Variants in FNBP1L observed in about 807,000 individuals in gnomAD.
FNBP1L encodes the protein formin binding protein 1 like, also known as formin-binding protein 1-like.
Under a neutral mutation model 91.2 loss-of-function variants are expected in FNBP1L, and 36 were observed. The ratio of observed to expected loss-of-function variants is 0.39; its 90% CI spans 0.30 to 0.52. The LOEUF (loss-of-function observed/expected upper bound fraction) is 0.52, where lower values mean the gene tolerates loss of function less well. FNBP1L is among the 20% of genes least tolerant of loss of function. FNBP1L has a pLI of 0.66. For synonymous variants in FNBP1L, 242 were observed against 237.0 expected (o/e 1.02, Z -0.19); for missense variants, 571 against 732.1 (o/e 0.78, Z 2.54).
At chr1:93,514,973 G>T (rs568546538) in intron 2 of FNBP1L, among the ~76,000 whole-genome samples, 74 of 152,296 alleles carry the variant, frequency 4.9e-4, no homozygotes, top group African/African-American at 1.7e-3. Context: ...CCATCAGAGT[G>T]AACAGGCAAC....
chr1:93,531,738 A>G (rs781362434), intron 7 of FNBP1L, among the ~76,000 whole-genome samples: 3 of 152,144 alleles, frequency 2.0e-5, no homozygotes, highest in Non-Finnish European at 4.4e-5. Flanking sequence ...TGGGGAAACT[A>G]TAACTTGTGG....
At chr1:93,546,811 A>G in intron 12 of FNBP1L, 31 bp from the exon 13 acceptor site, 1 of 1,607,844 alleles carries the variant, frequency 6.2e-7, no homozygotes, top group Non-Finnish European at 8.5e-7. Context: ...TGAAGTTAAT[A>G]TTTAATTCTG....
chr1:93,552,282 G>C (rs1672438499), intron 16 of FNBP1L, 127 bp from the exon 17 acceptor site: 5 of 1,465,962 alleles, frequency 3.4e-6, no homozygotes, highest in Middle Eastern at 2.2e-4. Flanking sequence ...AAATTTTCCT[G>C]GTGTTTTCGG....
intron 1 of FNBP1L, among the ~76,000 whole-genome samples, chr1:93,477,071 T>C (rs1669522294): frequency 6.6e-6 from 1 of 152,164 alleles, no homozygotes; most frequent in Non-Finnish European, 1.5e-5. Context: ...ATTTGTACCA[T>C]ATTGCCTGAC....
intron 10 of FNBP1L, among the ~76,000 whole-genome samples, chr1:93,538,257 TTA>T (rs1410209251): frequency 2.8e-5 from 3 of 105,702 alleles, no homozygotes; most frequent in Non-Finnish European, 7.2e-5. Flanking sequence ...ATGTGTCATC[TTA>T]TTTTTTTTTT....
At chr1:93,542,209 G>A (rs1462784321) in intron 11 of FNBP1L, among the ~76,000 whole-genome samples, 1 of 151,866 alleles carries the variant, frequency 6.6e-6, no homozygotes, top group African/African-American at 2.4e-5. Context: ...CCAGGAGTTC[G>A]AGGCTATAGT....
intron 2 of FNBP1L, among the ~76,000 whole-genome samples, chr1:93,514,671 G>A (rs1014447535): frequency 1.3e-5 from 2 of 152,116 alleles, no homozygotes; most frequent in African/African-American, 4.8e-5. Flanking sequence ...TTGGGGAAAG[G>A]ATTCCCTATT....
At chr1:93,536,863 A>G (rs1453091885) in intron 10 of FNBP1L, among the ~76,000 whole-genome samples, 2 of 152,086 alleles carry the variant, frequency 1.3e-5, no homozygotes, top group Non-Finnish European at 2.9e-5. Context: ...TGCCAATTTT[A>G]TAAAATATTA....
At chr1:93,460,543 TAAA>T (rs1309991458) in intron 1 of FNBP1L, among the ~76,000 whole-genome samples, 1 of 152,182 alleles carries the variant, frequency 6.6e-6, no homozygotes, top group Non-Finnish European at 1.5e-5. Flanking sequence ...ACTCAGTTCT[TAAA>T]AAGAAGGAAA....
intron 1 of FNBP1L, among the ~76,000 whole-genome samples, chr1:93,454,961 C>T (rs1352027939): frequency 2.0e-5 from 3 of 152,022 alleles, no homozygotes; most frequent in Non-Finnish European, 4.4e-5. Flanking sequence ...CGGAGTCTCG[C>T]TCTGTCGCCC....
intron 1 of FNBP1L, among the ~76,000 whole-genome samples, chr1:93,448,528 T>G (rs993291756): frequency 5.3e-5 from 8 of 152,170 alleles, no homozygotes; most frequent in African/African-American, 1.9e-4. Flanking sequence ...GCCGCCGTGG[T>G]GCAGCTCGGG....
chr1:93,547,581 A>G, intron 14 of FNBP1L, 140 bp downstream of exon 14: 1 of 672,388 alleles, frequency 1.5e-6, no homozygotes, highest in East Asian at 2.8e-5. Context: ...AACCTAAGTA[A>G]TTTTCTTTAG....
intron 1 of FNBP1L, among the ~76,000 whole-genome samples, chr1:93,472,934 G>T (rs2101699604): frequency 6.7e-6 from 1 of 149,978 alleles, no homozygotes; most frequent in Admixed American, 6.7e-5. Context: ...ACTCATGGAA[G>T]AAATTACTCT....
At chr1:93,532,525 T>A (rs1340960618) in intron 7 of FNBP1L, among the ~76,000 whole-genome samples, 2 of 134,752 alleles carry the variant, frequency 1.5e-5, no homozygotes, top group African/African-American at 2.7e-5. Context: ...CCAGTTGCTT[T>A]AAAAAAAAAA....
At chr1:93,476,590 A>G (rs1017193637) in intron 1 of FNBP1L, among the ~76,000 whole-genome samples, 1 of 152,174 alleles carries the variant, frequency 6.6e-6, no homozygotes, top group African/African-American at 2.4e-5. Context: ...CTGTAAGATG[A>G]TATCAGCATA....
chr1:93,518,141 C>G (rs1031628801), intron 2 of FNBP1L, among the ~76,000 whole-genome samples: 2 of 152,098 alleles, frequency 1.3e-5, no homozygotes, highest in Non-Finnish European at 2.9e-5. Context: ...CTTTAGAGTT[C>G]TAGTTTTTAC....
At chr1:93,524,847 G>T (rs1570845308) in intron 5 of FNBP1L, among the ~76,000 whole-genome samples, 1 of 151,698 alleles carries the variant, frequency 6.6e-6, no homozygotes. Flanking sequence ...CCTGATATTG[G>T]CCTGCTAATA....
At chr1:93,526,693 C>T (rs140246325) in intron 5 of FNBP1L, among the ~76,000 whole-genome samples, 54 of 152,236 alleles carry the variant, frequency 3.5e-4, no homozygotes, top group African/African-American at 1.3e-3. Context: ...TCGTCTGCCA[C>T]ACCAAGGATG....
intron 2 of FNBP1L, among the ~76,000 whole-genome samples, chr1:93,509,879 T>G (rs11164942): frequency 6.6e-6 from 1 of 152,018 alleles, no homozygotes; most frequent in Non-Finnish European, 1.5e-5. Context: ...GGGTCACTCC[T>G]ACCCGAATAC....
Sources: allele counts gnomAD v4.1 joint callset (sites outside exome capture counted in the v4.1 genomes callset), GRCh38; gene constraint gnomAD v4.1.1; transcripts MANE v1.5; gene names NCBI Gene and HGNC (gene_info 2026-07-23, HGNC 2026-07-21).